EPHA10: variants seen among roughly 807,000 people sequenced by gnomAD.
EPHA10 encodes the protein EPH receptor A10, also known as ephrin type-A receptor 10.
In EPHA10, 120 loss-of-function variants were observed where a neutral mutation model predicts 109.7. The observed-to-expected ratio is 1.09, with a 90% CI of 0.94 to 1.27. The LOEUF is 1.27. Ranked by LOEUF, EPHA10 falls within the 50% of genes most tolerant of loss-of-function variation. The pLI, the probability that EPHA10 is intolerant of heterozygous loss-of-function variation, is 0.00. For synonymous variants in EPHA10, 640 were observed against 618.9 expected, an observed-to-expected ratio of 1.03 and a Z score of -0.51; for missense variants, 1,396 against 1,411.1, an observed-to-expected ratio of 0.99 and a Z score of 0.17.
chr1:37,727,445 C>G (rs913258081), intron 7 of EPHA10, among the ~76,000 whole-genome samples: 1 of 152,206 alleles, frequency 6.6e-6, no homozygotes, highest in Non-Finnish European at 1.5e-5. Context: ...AGCTCCTGCT[C>G]AGAGAGGCAG....
intron 5 of EPHA10, among the ~76,000 whole-genome samples, chr1:37,749,112 C>T (rs1270405993): frequency 5.3e-5 from 8 of 150,912 alleles, no homozygotes; most frequent in African/African-American, 9.7e-5. Flanking sequence ...TTAGTAGAGA[C>T]GGGGTTTCAC....
At position 37,721,621 on chromosome 1, in the gene EPHA10, C is replaced by G. The variant is rs1203343475; in HGVS notation, c.2146+39G>C. 1.9e-6 allele frequency: 3 copies of G among 1,567,546 alleles called. No individual in the cohort carries two copies. In the African/African-American group the frequency reaches 4.1e-5, roughly 21 times the overall value. ...ACACCATCATTTCCACCCCCCATACCCGTGGGCTGGGCAGCAGGAAGGGAG... is the reference window on the plus strand; with the variant it reads ...ACACCATCATTTCCACCCCCCATACGCGTGGGCTGGGCAGCAGGAAGGGAG... On this transcript the variant is annotated intron_variant, in intron 11 of 16. Coordinates refer to ENST00000373048, the MANE Select transcript of EPHA10 (RefSeq NM_001099439.2).
chr1:37,753,322 C>G (rs1646359472), intron 4 of EPHA10, 96 bp from the exon 5 acceptor site: 1 of 851,984 alleles, frequency 1.2e-6, no homozygotes, highest in Admixed American at 4.5e-5. Flanking sequence ...TGTCCACCCC[C>G]AGTGAGGCAG....
Position 37,719,487 on chromosome 1 carries a change from G to A in EPHA10, c.2683C>T (p.Gln895Ter), listed in dbSNP as rs368098004. ...KDPGERPRFS[Q>*]IHSILSKMVQ... ...ATCTTGCTCAGGATGCTGTGGATCT[G>A]GGAGAACCTGGGCCGCTCACCTGGG... is the stretch of plus-strand genomic sequence containing the variant. The change falls in exon 15 of 17, where the codon CAG becomes TAG. Residue 895 changes from glutamine to a stop codon, truncating the protein, a stop_gained. Transcript: ENST00000373048. LOFTEE classifies it high-confidence loss of function. The A allele has an allele frequency of 6.2e-7, 1 of 1,613,926 alleles. No homozygotes were observed. The highest frequency in any genetic ancestry group is 8.5e-7 in the Non-Finnish European group (1 of 1,180,028).
chr1:37,722,875 T>G, intron 10 of EPHA10, 166 bp downstream of exon 10: 1 of 1,016,850 alleles, frequency 9.8e-7, no homozygotes, highest in Non-Finnish European at 1.5e-6. Context: ...GCCAGGGACT[T>G]TCTGGGTGGA....
At chr1:37,728,412 C>T (rs1645929166) in intron 7 of EPHA10, among the ~76,000 whole-genome samples, 1 of 152,010 alleles carries the variant, frequency 6.6e-6, no homozygotes, top group South Asian at 2.1e-4. Context: ...AGAAGAGGTG[C>T]TTGAGAGAGG....
At chr1:37,746,548 C>T (rs1050342003) in intron 5 of EPHA10, among the ~76,000 whole-genome samples, 12 of 152,154 alleles carry the variant, frequency 7.9e-5, no homozygotes, top group Non-Finnish European at 1.5e-4. Flanking sequence ...CTGGAGGTAA[C>T]ATAATTCAGT....
chr1:37,761,396 A>C lies in EPHA10; in HGVS notation c.850+9T>G. The C allele has an allele frequency of 6.3e-7, 1 of 1,598,404 alleles. No individual in the cohort carries two copies. Among genetic ancestry groups the C allele is most frequent in the Admixed American group, 1.7e-5 (1 of 59,858 alleles). On this transcript the variant is annotated intron_variant, in intron 3 of 16. Coordinates refer to ENST00000373048, the MANE Select transcript of EPHA10 (RefSeq NM_001099439.2). ...ACTCCCACCCCACGGCCCCCAGCCA[A>C]CTGGATACCTTCGCAGAAGTCACCA...
Position 37,718,625 on chromosome 1 carries a change from C to T in EPHA10, c.2912+36G>A, listed in dbSNP as rs1199401560. On this transcript the variant is annotated intron_variant, in intron 16 of 16. Coordinates refer to ENST00000373048, the MANE Select transcript of EPHA10 (RefSeq NM_001099439.2). ...GCAGGGGCAGGGCCTGTGGAATCCC[C>T]CAGCCCCGGCCTTGACCTTGGTGCC... is the stretch of plus-strand genomic sequence containing the variant. 7 of 1,612,928 alleles carry T rather than the reference C, an allele frequency of 4.3e-6. No individual in the cohort carries two copies. In the Admixed American group the frequency reaches 1.2e-4, roughly 27 times the overall value.
chr1:37,737,687 G>C (rs545244), intron 5 of EPHA10, among the ~76,000 whole-genome samples: 47,198 of 152,106 alleles, frequency 0.31, 7,688 homozygotes, highest in Middle Eastern at 0.46. Context: ...AAAGATTCAT[G>C]ACACTGGATT....
rs185334955 is a variant in EPHA10 at position 37,744,383 on chromosome 1, G to A, written c.1357+8493C>T. ...AAAAAAAAAAAAATTAGCTGGGTGC[G>A]TCAGTGTGTGCCTGTAATCCCAGCT... is the stretch of plus-strand genomic sequence containing the variant. On this transcript the variant is annotated intron_variant, in intron 5 of 16. Coordinates refer to ENST00000373048, the MANE Select transcript of EPHA10 (RefSeq NM_001099439.2). Among the ~76,000 whole-genome samples, 274 of 151,740 alleles carry A rather than the reference G, an allele frequency of 1.8e-3. 2 individuals are homozygous for A. Among genetic ancestry groups the A allele is most frequent in the African/African-American group, 6.2e-3 (258 of 41,356 alleles).
In EPHA10 at chr1:37,739,075, A is replaced by C. The variant is rs540608847; in HGVS notation, c.1358-3685T>G. On this transcript the variant is annotated intron_variant, in intron 5 of 16. Coordinates refer to ENST00000373048, the MANE Select transcript of EPHA10 (RefSeq NM_001099439.2). The stretch of plus-strand genomic sequence containing the variant: ...AAACGACGAGTTGATGGGTGCAACA[A>C]ACCAACATGGCACTTGTATACCTAT... Among the ~76,000 whole-genome samples, 139 of 152,252 alleles carry C rather than the reference A, an allele frequency of 9.1e-4. 6 individuals carry two copies. The South Asian group carries it at 0.027, about 29-fold the overall frequency.
At chr1:37,750,024 G>C (rs1360085459) in intron 5 of EPHA10, among the ~76,000 whole-genome samples, 1 of 152,182 alleles carries the variant, frequency 6.6e-6, no homozygotes, top group African/African-American at 2.4e-5. Context: ...TATGGTGCAT[G>C]ACTGTATTAA....
intron 3 of EPHA10, among the ~76,000 whole-genome samples, chr1:37,757,960 G>A (rs1646403139): frequency 6.6e-6 from 1 of 152,120 alleles, no homozygotes; most frequent in South Asian, 2.1e-4. Flanking sequence ...AGTCCTAGAG[G>A]AGGGAATGAG....
In EPHA10 at chr1:37,738,990, G is replaced by A. The variant is rs56364308; in HGVS notation, c.1358-3600C>T. 8.7e-3 allele frequency among the ~76,000 whole-genome samples: 1,329 copies of A among 152,140 alleles called. 16 individuals are homozygous for A. The highest frequency in any genetic ancestry group is 0.03 in the African/African-American group (1,234 of 41,468). On this transcript the variant is annotated intron_variant, in intron 5 of 16. Transcript: ENST00000373048. ...CACAGGGCAGGGAACATCACACACC[G>A]GGGCCTGTCGCGGGGTGGAGGGTAG...
chr1:37,725,742 T>C (rs538191167), intron 8 of EPHA10, among the ~76,000 whole-genome samples: 1 of 151,768 alleles, frequency 6.6e-6, no homozygotes, highest in African/African-American at 2.4e-5. Context: ...GCTGAGTGGA[T>C]GGAGGAGCGA....
chr1:37,723,126 G>T lies in EPHA10; in HGVS notation c.1875C>A (p.Ser625Arg), dbSNP rs560853522. The T allele has an allele frequency of 6.2e-7, 1 of 1,614,206 alleles. No homozygotes were observed. The highest frequency in any genetic ancestry group is 1.7e-5 in the Admixed American group (1 of 60,024). ...PTRRTFLDPQSCGDLLQAVHL... is the reference protein window; with the variant it reads ...PTRRTFLDPQRCGDLLQAVHL... Reference sequence around the variant, plus strand: ...GCACAGCCTGCAGCAGGTCCCCACAGCTCTGGGGGTCCAGGAATGTGCGAC... The same window carrying T: ...GCACAGCCTGCAGCAGGTCCCCACATCTCTGGGGGTCCAGGAATGTGCGAC... The change falls in exon 10 of 17, where the codon AGC becomes AGA. Residue 625 changes from serine to arginine, a missense_variant. Ser to Arg is a moderately radical substitution (Grantham distance 110). Coordinates refer to ENST00000373048, the MANE Select transcript of EPHA10 (RefSeq NM_001099439.2).
At chr1:37,761,128 A>G in intron 3 of EPHA10, 1 of 1,264,024 alleles carries the variant, frequency 7.9e-7, no homozygotes, top group Non-Finnish European at 1.0e-6. Flanking sequence ...TATTGCCATG[A>G]AAATAAATAA....
intron 9 of EPHA10, 58 bp from the exon 10 acceptor site, chr1:37,723,224 C>T (rs1191561470): frequency 1.2e-5 from 19 of 1,603,930 alleles, no homozygotes; most frequent in Admixed American, 1.7e-5. Flanking sequence ...GGCTGACAAG[C>T]GGGCTCATGC....
Sources: gnomAD v4.1 joint callset for allele counts (sites outside exome capture counted in the v4.1 genomes callset) on GRCh38, gnomAD v4.1.1 for gene constraint, MANE v1.5 for transcripts, NCBI Gene and HGNC (gene_info 2026-07-23, HGNC 2026-07-21) for gene names.